Variants in GLRA2 observed in about 807,000 individuals in gnomAD.
GLRA2 encodes the protein glycine receptor alpha 2, also known as glycine receptor subunit alpha-2.
In GLRA2, 11 loss-of-function variants were observed where a neutral mutation model predicts 31.6. That is an observed-to-expected ratio of 0.35 (90% CI 0.22 to 0.58). The LOEUF (loss-of-function observed/expected upper bound fraction) is 0.58. Ranked by LOEUF, GLRA2 falls within the 20% of genes least tolerant of loss-of-function variation. The pLI, the probability that GLRA2 is intolerant of heterozygous loss-of-function variation, is 0.84. For synonymous variants in GLRA2, 132 were observed against 134.0 expected (o/e 0.99, Z 0.10); for missense variants, 212 against 351.8 (o/e 0.60, Z 3.18).
intron 7 of GLRA2, among the ~76,000 whole-genome samples, chrX:14,681,266 G>A (rs2091198452): frequency 1.8e-5 from 2 of 111,925 alleles, no homozygotes; most frequent in Non-Finnish European, 3.8e-5. Context: ...ATATACAATC[G>A]TGGGTAACAG....
intron 7 of GLRA2, among the ~76,000 whole-genome samples, chrX:14,630,284 C>T (rs965676251): frequency 1.8e-5 from 2 of 111,872 alleles, no homozygotes; most frequent in African/African-American, 6.5e-5. Flanking sequence ...TGTCTTCACA[C>T]TTGCACTGTT....
chrX:14,540,750 G>C (rs1282985420), intron 2 of GLRA2, among the ~76,000 whole-genome samples: 1 of 111,097 alleles, frequency 9.0e-6, no homozygotes, highest in African/African-American at 3.3e-5. Context: ...GCAGAGAAGA[G>C]AGAGAAATAT....
upstream of GLRA2, among the ~76,000 whole-genome samples, chrX:14,528,863 G>A (rs1026834477): frequency 9.0e-6 from 1 of 111,590 alleles, no homozygotes; most frequent in African/African-American, 3.3e-5. Context: ...ACAAATCTGT[G>A]ACTTGCGGAT....
chrX:14,665,398 A>C (rs776456234), intron 7 of GLRA2, among the ~76,000 whole-genome samples: 5 of 112,293 alleles, frequency 4.5e-5, no homozygotes, highest in Non-Finnish European at 5.6e-5. Flanking sequence ...CCTCATCTGA[A>C]AAATGATAAA....
intron 7 of GLRA2, among the ~76,000 whole-genome samples, chrX:14,685,073 T>C (rs2091260474): frequency 8.9e-6 from 1 of 111,967 alleles, no homozygotes; most frequent in African/African-American, 3.2e-5. Context: ...ATTGAGATAA[T>C]CATGTGGTTT....
At chrX:14,555,452 T>C (rs1261201381) in intron 2 of GLRA2, among the ~76,000 whole-genome samples, 1 of 111,695 alleles carries the variant, frequency 9.0e-6, no homozygotes, top group Non-Finnish European at 1.9e-5. Context: ...CCCTGAAGTT[T>C]ATGATTTTCT....
rs771602962 is a variant in GLRA2, at chrX:14,651,521, A to G, written c.931-39189A>G. ...TACCATGTGTTTTCTATGTTTAGGT[A>G]TGTTTAGATATACAAATAGTTACCA... On this transcript the variant is annotated intron_variant, in intron 7 of 8. Coordinates refer to ENST00000218075, the MANE Select transcript of GLRA2 (RefSeq NM_002063.4). 3.6e-5 allele frequency among the ~76,000 whole-genome samples: 4 copies of G among 111,628 alleles called. No homozygotes were observed. In the South Asian group the frequency reaches 1.5e-3, roughly 42 times the overall value.
chrX:14,584,157 A>T (rs1361516391), intron 4 of GLRA2, among the ~76,000 whole-genome samples: 1 of 111,670 alleles, frequency 9.0e-6, no homozygotes, highest in African/African-American at 3.3e-5. Flanking sequence ...GATGACATGC[A>T]ATTTACCTAT....
intron 8 of GLRA2, among the ~76,000 whole-genome samples, chrX:14,724,898 C>T (rs1167538496): frequency 9.0e-6 from 1 of 111,382 alleles, no homozygotes; most frequent in Non-Finnish European, 1.9e-5. Flanking sequence ...TTCTGCAAAG[C>T]TCAGTCAGAT....
intron 7 of GLRA2, 93 bp downstream of exon 7, chrX:14,609,298 C>A: frequency 2.0e-6 from 1 of 507,048 alleles, no homozygotes; most frequent in East Asian, 3.5e-5. Context: ...GTTGGCCACC[C>A]TATGACACTG....
At chrX:14,489,630 C>T in the GLRA2 span, among the ~76,000 whole-genome samples, 1 of 112,084 alleles carries the variant, frequency 8.9e-6, no homozygotes, top group South Asian at 3.7e-4. Context: ...TCTGTGGTTG[C>T]ACTCCAGTGC....
intron 2 of GLRA2, among the ~76,000 whole-genome samples, chrX:14,564,944 C>CA (rs1227308264): frequency 1.9e-5 from 2 of 105,988 alleles, no homozygotes; most frequent in East Asian, 2.9e-4. Flanking sequence ...TGGTTCACTA[C>CA]AAAAAAAATC....
intron 7 of GLRA2, among the ~76,000 whole-genome samples, chrX:14,681,891 CAAAAAAA>C (rs1157722406): frequency 6.0e-4 from 16 of 26,679 alleles, no homozygotes; most frequent in Non-Finnish European, 1.3e-3. Flanking sequence ...GACACCATCT[CAAAAAAA>C]AAAAAAAAAA....
chrX:14,511,820 G>A, the GLRA2 span, among the ~76,000 whole-genome samples: 1 of 111,782 alleles, frequency 8.9e-6, no homozygotes, highest in Non-Finnish European at 1.9e-5. Context: ...TACAATCCGT[G>A]TCATTGCATC....
At chrX:14,476,354 A>T in the GLRA2 span, among the ~76,000 whole-genome samples, 1 of 111,922 alleles carries the variant, frequency 8.9e-6, no homozygotes, top group Middle Eastern at 4.6e-3. Flanking sequence ...TAATGAACAT[A>T]TTGGATTCAG....
intron 8 of GLRA2, among the ~76,000 whole-genome samples, chrX:14,695,502 C>T (rs1396638873): frequency 2.7e-5 from 3 of 112,101 alleles, no homozygotes; most frequent in Non-Finnish European, 5.6e-5. Flanking sequence ...TACATGGAGA[C>T]AACTATTTCA....
At chrX:14,467,917 T>C in the GLRA2 span, among the ~76,000 whole-genome samples, 1 of 111,528 alleles carries the variant, frequency 9.0e-6, no homozygotes, top group Non-Finnish European at 1.9e-5. Flanking sequence ...AAAATGGGAA[T>C]AGCAAAGGGT....
chrX:14,593,172 A>G (rs2090162616), intron 4 of GLRA2, among the ~76,000 whole-genome samples: 1 of 112,186 alleles, frequency 8.9e-6, no homozygotes, highest in African/African-American at 3.2e-5. Context: ...CTCACAGCAC[A>G]TAATCCAAAG....
intron 4 of GLRA2, among the ~76,000 whole-genome samples, chrX:14,591,966 C>T (rs2090149938): frequency 1.8e-5 from 2 of 111,542 alleles, no homozygotes; most frequent in South Asian, 7.6e-4. Context: ...GATCTCCACA[C>T]TTCCTTTCAT....
Sources: allele counts gnomAD v4.1 joint callset (sites outside exome capture counted in the v4.1 genomes callset), GRCh38; gene constraint gnomAD v4.1.1; transcripts MANE v1.5; gene names NCBI Gene and HGNC (gene_info 2026-07-23, HGNC 2026-07-21).